The following NLGN1 variants were observed in gnomAD, a reference collection of about 807,000 sequenced individuals.
NLGN1 encodes neuroligin-1.
In NLGN1, 12 loss-of-function variants were observed where a neutral mutation model predicts 65.5. That is an observed-to-expected ratio of 0.18 (90% CI 0.12 to 0.30). NLGN1 has a LOEUF of 0.30. Among genes scored for constraint, NLGN1 ranks in the 10% least tolerant of loss-of-function variants. NLGN1 has a pLI of 1.00. For missense variants in NLGN1, 750 were observed against 1,007.1 expected (o/e 0.74, Z 3.46); for synonymous variants, 350 against 359.5 (o/e 0.97, Z 0.30).
intron 2 of NLGN1, among the ~76,000 whole-genome samples, chr3:173,492,736 G>C (rs1438332932): frequency 6.6e-6 from 1 of 151,788 alleles, no homozygotes; most frequent in Non-Finnish European, 1.5e-5. Flanking sequence ...CAGTACAAAA[G>C]TAGAATAGGT....
intron 2 of NLGN1, among the ~76,000 whole-genome samples, chr3:173,455,591 G>A (rs918561457): frequency 1.3e-5 from 2 of 152,050 alleles, no homozygotes; most frequent in African/African-American, 4.8e-5. Context: ...TTGGAAAAAT[G>A]GTGCTGATAG....
chr3:174,151,472 A>G, intron 4 of NLGN1, among the ~76,000 whole-genome samples: 1 of 152,122 alleles, frequency 6.6e-6, no homozygotes, highest in East Asian at 1.9e-4. Flanking sequence ...TTGCCATAAT[A>G]TGGGCTTGCA....
At chr3:173,759,824 G>A (rs1777696611) in intron 3 of NLGN1, among the ~76,000 whole-genome samples, 1 of 151,534 alleles carries the variant, frequency 6.6e-6, no homozygotes, top group African/African-American at 2.4e-5. Context: ...TTTATTATCT[G>A]CATTATTTTT....
At chr3:174,159,499 G>C (rs1362804761) in intron 4 of NLGN1, among the ~76,000 whole-genome samples, 1 of 151,466 alleles carries the variant, frequency 6.6e-6, no homozygotes, top group Non-Finnish European at 1.5e-5. Context: ...AGTCAGTAAT[G>C]GATGAAAAAG....
intron 3 of NLGN1, among the ~76,000 whole-genome samples, chr3:173,718,578 T>C (rs1036908348): frequency 2.6e-5 from 4 of 152,168 alleles, no homozygotes; most frequent in African/African-American, 9.6e-5. Flanking sequence ...GTAGGCACAC[T>C]ATAAATTTTG....
intron 4 of NLGN1, among the ~76,000 whole-genome samples, chr3:173,901,419 A>G (rs994316742): frequency 4.0e-5 from 6 of 151,040 alleles, no homozygotes; most frequent in Non-Finnish European, 5.9e-5. Flanking sequence ...TCTCTATGGC[A>G]TATTAGATTT....
At chr3:173,407,133 A>G (rs497383) in intron 1 of NLGN1, among the ~76,000 whole-genome samples, 33,275 of 152,176 alleles carry the variant, frequency 0.22, 3,928 homozygotes, top group Middle Eastern at 0.32. Flanking sequence ...GTCTCAGATC[A>G]TTAAATAGAG....
intron 4 of NLGN1, among the ~76,000 whole-genome samples, chr3:173,854,813 A>T (rs1727640915): frequency 6.6e-6 from 1 of 152,100 alleles, no homozygotes; most frequent in South Asian, 2.1e-4. Context: ...CCATGGTGCA[A>T]GGTGATGTTT....
chr3:173,419,683 AC>A (rs1714605179), intron 1 of NLGN1, among the ~76,000 whole-genome samples: 1 of 151,960 alleles, frequency 6.6e-6, no homozygotes, highest in Admixed American at 6.6e-5. Context: ...TATAATAGTG[AC>A]CCCTGGTTGG....
chr3:173,542,302 A>G lies in NLGN1; in HGVS notation c.-320-61977A>G, dbSNP rs144313906. 3.1e-3 allele frequency among the ~76,000 whole-genome samples: 473 copies of G among 152,080 alleles called. 3 individuals are homozygous for G. Among genetic ancestry groups the G allele is most frequent in the African/African-American group, 0.011 (440 of 41,528 alleles). On this transcript the variant is annotated intron_variant, in intron 2 of 6. Transcript: ENST00000457714. ...GACTCTGCAGATCTTCTCTAAATAT[A>G]CAAGGGGAGACTTTTAAAAAGTTTT...
At chr3:173,554,091 A>C (rs995677807) in intron 2 of NLGN1, among the ~76,000 whole-genome samples, 3 of 152,206 alleles carry the variant, frequency 2.0e-5, no homozygotes, top group African/African-American at 7.2e-5. Context: ...ACACCAGCAA[A>C]TAATTTTAAT....
chr3:173,709,803 CAAAAAAAAAAAA>C (rs59998502), intron 3 of NLGN1, among the ~76,000 whole-genome samples: 1 of 69,276 alleles, frequency 1.4e-5, no homozygotes, highest in African/African-American at 5.6e-5. Flanking sequence ...AACTCTATCT[CAAAAAAAAAAAA>C]AAAAAAAAAA....
At chr3:173,856,240 G>T (rs543527151) in intron 4 of NLGN1, among the ~76,000 whole-genome samples, 1 of 150,090 alleles carries the variant, frequency 6.7e-6, no homozygotes, top group Admixed American at 6.7e-5. Flanking sequence ...CTTTTGCAGT[G>T]GTAGTAATAG....
chr3:173,452,301 C>T (rs1456098984), intron 2 of NLGN1, among the ~76,000 whole-genome samples: 1 of 151,894 alleles, frequency 6.6e-6, no homozygotes, highest in Non-Finnish European at 1.5e-5. Flanking sequence ...GTTCAAGCCT[C>T]AGCCTCCCAA....
intron 4 of NLGN1, among the ~76,000 whole-genome samples, chr3:174,113,999 T>C (rs1352566418): frequency 1.3e-5 from 2 of 152,168 alleles, no homozygotes; most frequent in African/African-American, 4.8e-5. Context: ...CTAATAAAGA[T>C]AATTTATTTT....
At position 174,095,998 on chromosome 3, in the gene NLGN1, T is replaced by TAAAA. The variant is rs1446578730; in HGVS notation, c.647-179313_647-179310dup. On this transcript the variant is annotated intron_variant, in intron 4 of 6. Transcript: ENST00000457714. ...CTGGGTGACAGAGCGAGACTCCATC[T>TAAAA]AAAAAAATAAATAAATAAATAAAAA... Among the ~76,000 whole-genome samples, 149 of 142,628 alleles carry TAAAA rather than the reference T, an allele frequency of 1.0e-3. 2 individuals are homozygous for TAAAA. The highest frequency in any genetic ancestry group is 1.7e-3 in the Non-Finnish European group (111 of 66,456). 93.6% of individuals were successfully genotyped at this position (142,628 alleles called of 152,430 possible). A position where few individuals can be genotyped will look rare whatever the true frequency, so the allele number is the denominator to read the frequency against.
intron 4 of NLGN1, among the ~76,000 whole-genome samples, chr3:174,206,988 A>G (rs1178574624): frequency 1.3e-5 from 2 of 152,242 alleles, no homozygotes; most frequent in Non-Finnish European, 2.9e-5. Context: ...TCTCAGGATT[A>G]CCATGGAAAC....
chr3:173,838,588 T>C (rs1443628418), intron 4 of NLGN1, among the ~76,000 whole-genome samples: 1 of 152,170 alleles, frequency 6.6e-6, no homozygotes, highest in African/African-American at 2.4e-5. Context: ...GCTTCCATGC[T>C]GGACTCCCAG....
chr3:174,190,557 A>G (rs550796285), intron 4 of NLGN1, among the ~76,000 whole-genome samples: 5 of 152,050 alleles, frequency 3.3e-5, no homozygotes, highest in Non-Finnish European at 5.9e-5. Context: ...TTCAAAAATT[A>G]CTATATTAAC....
Sources: gnomAD v4.1 joint callset for allele counts (sites outside exome capture counted in the v4.1 genomes callset) on GRCh38, gnomAD v4.1.1 for gene constraint, MANE v1.5 for transcripts, NCBI Gene and HGNC (gene_info 2026-07-23, HGNC 2026-07-21) for gene names.